Variants in PHACTR1 observed in about 807,000 individuals in gnomAD.
PHACTR1 encodes RPEL repeat containing 1.
In PHACTR1, 16 loss-of-function variants were observed where a neutral mutation model predicts 69.2. That is an observed-to-expected ratio of 0.23 (90% CI 0.16 to 0.35). The LOEUF (loss-of-function observed/expected upper bound fraction) is 0.35, where lower values mean the gene tolerates loss of function less well. Among genes scored for constraint, PHACTR1 ranks in the 10% least tolerant of loss-of-function variants. The pLI is 1.00. For synonymous variants in PHACTR1, 312 were observed against 284.5 expected (o/e 1.10, Z -0.97); for missense variants, 510 against 734.7 (o/e 0.69, Z 3.54).
intron 4 of PHACTR1, among the ~76,000 whole-genome samples, chr6:12,838,099 A>G (rs1352858155): frequency 1.3e-5 from 2 of 152,214 alleles, no homozygotes; most frequent in Non-Finnish European, 1.5e-5. Context: ...GGCCACCCCA[A>G]CACGGCTACT....
intron 4 of PHACTR1, among the ~76,000 whole-genome samples, chr6:13,050,691 CT>C (rs1272209041): frequency 2.6e-5 from 4 of 152,146 alleles, no homozygotes; most frequent in African/African-American, 9.7e-5. Flanking sequence ...GTTCTAACCC[CT>C]AAAAAGCCTT....
At chr6:12,906,821 G>C (rs555292107) in intron 4 of PHACTR1, among the ~76,000 whole-genome samples, 1 of 152,188 alleles carries the variant, frequency 6.6e-6, no homozygotes, top group Non-Finnish European at 1.5e-5. Context: ...GTTGGGTCAC[G>C]TGTCCACTCT....
At chr6:13,044,439 C>T (rs767803361) in intron 4 of PHACTR1, among the ~76,000 whole-genome samples, 2 of 152,190 alleles carry the variant, frequency 1.3e-5, no homozygotes, top group African/African-American at 2.4e-5. Flanking sequence ...CAACAAATTC[C>T]AGCATTGAGT....
At chr6:12,739,767 C>T (rs1353283618) in intron 3 of PHACTR1, among the ~76,000 whole-genome samples, 1 of 152,156 alleles carries the variant, frequency 6.6e-6, no homozygotes, top group Non-Finnish European at 1.5e-5. Flanking sequence ...AACTCCTGGG[C>T]TCAAGCAATC....
chr6:13,271,574 A>T (rs1317893522), intron 10 of PHACTR1, among the ~76,000 whole-genome samples: 1 of 152,136 alleles, frequency 6.6e-6, no homozygotes, highest in Non-Finnish European at 1.5e-5. Flanking sequence ...CCTTGTATAA[A>T]ATGGCGTAGT....
intron 10 of PHACTR1, among the ~76,000 whole-genome samples, chr6:13,266,008 C>T (rs1776644450): frequency 6.6e-6 from 1 of 152,218 alleles, no homozygotes; most frequent in Non-Finnish European, 1.5e-5. Context: ...GCCTACATGA[C>T]AGCTTCATTC....
chr6:13,270,335 T>C (rs758090420), intron 10 of PHACTR1, among the ~76,000 whole-genome samples: 28 of 152,288 alleles, frequency 1.8e-4, no homozygotes, highest in Admixed American at 5.2e-4. Context: ...GTCAGCAACC[T>C]GGAAGCTCAT....
intron 4 of PHACTR1, among the ~76,000 whole-genome samples, chr6:12,880,906 A>G (rs532619519): frequency 4.3e-4 from 65 of 152,336 alleles, no homozygotes; most frequent in African/African-American, 1.5e-3. Context: ...TTTGATTATC[A>G]GGCTGTGAAA....
At chr6:12,800,282 A>C (rs1773541339) in intron 4 of PHACTR1, among the ~76,000 whole-genome samples, 1 of 152,212 alleles carries the variant, frequency 6.6e-6, no homozygotes, top group Non-Finnish European at 1.5e-5. Flanking sequence ...AAAGATTATC[A>C]TTCCATATGT....
chr6:13,093,872 T>C (rs1176558799), intron 5 of PHACTR1, among the ~76,000 whole-genome samples: 1 of 152,156 alleles, frequency 6.6e-6, no homozygotes, highest in East Asian at 1.9e-4. Context: ...TCAGATATTA[T>C]GATTTTCTTT....
intron 5 of PHACTR1, among the ~76,000 whole-genome samples, chr6:13,080,956 GA>G (rs1347318257): frequency 6.6e-6 from 1 of 152,078 alleles, no homozygotes; most frequent in Non-Finnish European, 1.5e-5. Context: ...AATATTTTTG[GA>G]AAAATACAGC....
chr6:13,133,912 A>G (rs1821028356), intron 5 of PHACTR1, among the ~76,000 whole-genome samples: 1 of 131,050 alleles, frequency 7.6e-6, no homozygotes, highest in East Asian at 2.4e-4. Flanking sequence ...CCGGCCGCCC[A>G]TCGTCTGAGA....
chr6:13,082,448 A>G (rs1811552539), intron 5 of PHACTR1, among the ~76,000 whole-genome samples: 1 of 152,188 alleles, frequency 6.6e-6, no homozygotes, highest in Non-Finnish European at 1.5e-5. Flanking sequence ...ATAGTCCCCA[A>G]AAGAAATGTG....
At chr6:12,851,040 T>A (rs1338984663) in intron 4 of PHACTR1, among the ~76,000 whole-genome samples, 1 of 152,250 alleles carries the variant, frequency 6.6e-6, no homozygotes, top group Admixed American at 6.5e-5. Flanking sequence ...CTATGTAGTA[T>A]ATCTAAATCT....
intron 4 of PHACTR1, among the ~76,000 whole-genome samples, chr6:12,894,031 G>A (rs1173346058): frequency 6.6e-6 from 1 of 152,142 alleles, no homozygotes; most frequent in East Asian, 1.9e-4. Context: ...GGCTGACTGT[G>A]GGATTTTTAT....
At chr6:12,949,269 C>CAAAAAAAA (rs201027793) in intron 4 of PHACTR1, among the ~76,000 whole-genome samples, 5 of 56,938 alleles carry the variant, frequency 8.8e-5, no homozygotes, top group African/African-American at 1.6e-4. Context: ...AACGTCATCT[C>CAAAAAAAA]AAAAAAAAAA....
intron 4 of PHACTR1, among the ~76,000 whole-genome samples, chr6:13,025,860 C>G (rs1028798074): frequency 5.3e-5 from 8 of 152,114 alleles, no homozygotes; most frequent in Admixed American, 4.6e-4. Flanking sequence ...AATGTTTAAT[C>G]TCATGCCAAC....
chr6:13,023,891 G>A (rs9369760), intron 4 of PHACTR1, among the ~76,000 whole-genome samples: 74,935 of 152,032 alleles, frequency 0.49, 20,616 homozygotes, highest in East Asian at 0.83. Context: ...AGCCTGGCCA[G>A]GATGGCAAAA....
intron 5 of PHACTR1, among the ~76,000 whole-genome samples, chr6:13,138,525 CTG>C (rs1821908912): frequency 2.6e-5 from 4 of 152,276 alleles, no homozygotes; most frequent in Non-Finnish European, 5.9e-5. Flanking sequence ...CTGCTAGAAA[CTG>C]TGGTAGTGTT....
Sources: allele counts gnomAD v4.1 joint callset (sites outside exome capture counted in the v4.1 genomes callset), GRCh38; gene constraint gnomAD v4.1.1; transcripts MANE v1.5; gene names NCBI Gene and HGNC (gene_info 2026-07-23, HGNC 2026-07-21).